Variants in MELK observed in about 807,000 individuals in gnomAD.
MELK encodes the protein maternal embryonic leucine zipper kinase.
Under a neutral mutation model 85.0 loss-of-function variants are expected in MELK, and 81 were observed. That is an observed-to-expected ratio of 0.95 (90% CI 0.80 to 1.15). The LOEUF (loss-of-function observed/expected upper bound fraction) is 1.15, where lower values mean the gene tolerates loss of function less well. Ranked by LOEUF, MELK falls within the 50% of genes most tolerant of loss-of-function variation. The pLI, the probability that MELK is intolerant of heterozygous loss-of-function variation, is 0.00. For missense variants in MELK, 754 were observed against 777.5 expected (o/e 0.97, Z 0.36); for synonymous variants, 252 against 265.0 (o/e 0.95, Z 0.48).
intron 8 of MELK, among the ~76,000 whole-genome samples, chr9:36,610,663 G>A (rs1422823808): frequency 1.3e-5 from 2 of 152,194 alleles, no homozygotes; most frequent in African/African-American, 4.8e-5. Flanking sequence ...GCTTCTGCAT[G>A]CTGACTGTGG....
At chr9:36,580,508 C>T (rs938097072) in intron 1 of MELK, among the ~76,000 whole-genome samples, 9 of 151,312 alleles carry the variant, frequency 5.9e-5, no homozygotes, top group Admixed American at 2.6e-4. Context: ...TTAGTAGAGA[C>T]GGGTTTCGTC....
intron 3 of MELK, among the ~76,000 whole-genome samples, chr9:36,586,426 A>G (rs1265078841): frequency 6.6e-6 from 1 of 152,190 alleles, no homozygotes; most frequent in Non-Finnish European, 1.5e-5. Flanking sequence ...CTTCCTAAAT[A>G]TATGCTAAAA....
chr9:36,651,721 C>A (rs1265702303), intron 11 of MELK, 25 bp from the exon 12 acceptor site: 2 of 1,604,254 alleles, frequency 1.2e-6, no homozygotes, highest in Non-Finnish European at 1.7e-6. Flanking sequence ...AATCTTCTAA[C>A]CAACTTGATT....
rs1401142790 is a variant in MELK, at chr9:36,630,334, C to A, written c.702C>A (p.Pro234=). The change falls in exon 9 of 18, where the codon CCC becomes CCA. Residue 234 remains proline, a synonymous_variant. Transcript: ENST00000298048. ...GKYDVPKWLS[P]SSILLLQQML... ...ATGATGTTCCCAAGTGGCTCTCTCC[C>A]AGTAGCATTCTGCTTCTTCAACAAA... The A allele has an allele frequency of 6.2e-7, 1 of 1,611,242 alleles. No individual in the cohort carries two copies. Among genetic ancestry groups the A allele is most frequent in the African/African-American group, 1.3e-5 (1 of 74,848 alleles).
chr9:36,617,601 T>C (rs1826973190), intron 8 of MELK, among the ~76,000 whole-genome samples: 1 of 152,250 alleles, frequency 6.6e-6, no homozygotes, highest in African/African-American at 2.4e-5. Context: ...ATTATAGGCA[T>C]GAGCCACTGT....
chr9:36,613,324 G>A (rs559979560), intron 8 of MELK, among the ~76,000 whole-genome samples: 10 of 152,206 alleles, frequency 6.6e-5, no homozygotes, highest in Middle Eastern at 3.4e-3. Context: ...TCATTTATTC[G>A]ATGTCATTTC....
intron 11 of MELK, among the ~76,000 whole-genome samples, chr9:36,644,231 GT>G (rs1830028708): frequency 6.6e-6 from 1 of 151,614 alleles, no homozygotes; most frequent in Non-Finnish European, 1.5e-5. Flanking sequence ...GTGTGTGTGT[GT>G]GTGTGTGTGT....
At chr9:36,575,898 G>A (rs776319218) in intron 1 of MELK, among the ~76,000 whole-genome samples, 10 of 152,068 alleles carry the variant, frequency 6.6e-5, no homozygotes, top group Non-Finnish European at 1.0e-4. Context: ...CCATTCTCCT[G>A]CTCTCTTTTT....
intron 7 of MELK, among the ~76,000 whole-genome samples, chr9:36,602,058 C>G (rs1041832645): frequency 2.6e-5 from 4 of 152,150 alleles, no homozygotes; most frequent in African/African-American, 9.7e-5. Context: ...CTTTCAGATC[C>G]TGCTTTCAAT....
chr9:36,593,336 G>A (rs369306047), intron 4 of MELK, among the ~76,000 whole-genome samples: 1 of 152,044 alleles, frequency 6.6e-6, no homozygotes, highest in African/African-American at 2.4e-5. Flanking sequence ...CCTTTAAGGA[G>A]GTGATTAGGT....
intron 8 of MELK, among the ~76,000 whole-genome samples, chr9:36,620,548 C>CTTTT (rs747925440): frequency 1.6e-5 from 2 of 128,514 alleles, no homozygotes; most frequent in Non-Finnish European, 3.2e-5. Flanking sequence ...CATTCTCTTC[C>CTTTT]TTTTTTTTTT....
At chr9:36,616,028 G>C (rs1464115672) in intron 8 of MELK, among the ~76,000 whole-genome samples, 1 of 152,108 alleles carries the variant, frequency 6.6e-6, no homozygotes, top group Non-Finnish European at 1.5e-5. Flanking sequence ...CTCGGGCCCC[G>C]CGGGGCCCGT....
Position 36,581,624 on chromosome 9 carries a change from A to T in MELK, c.-38-20A>T. 1 of 1,191,580 alleles carries T rather than the reference A, an allele frequency of 8.4e-7. No homozygotes were observed. The highest frequency in any genetic ancestry group is 1.2e-6 in the Non-Finnish European group (1 of 804,200). 73.8% of individuals were successfully genotyped at this position (1,191,580 alleles called of 1,614,324 possible). A position where few individuals can be genotyped will look rare whatever the true frequency, so the allele number is the denominator to read the frequency against. On this transcript the variant is annotated intron_variant, in intron 1 of 17. Coordinates refer to ENST00000298048, the MANE Select transcript of MELK (RefSeq NM_014791.4). ...TCCGGTATTATTTCCTTTATTGATT[A>T]TGTACTCTCTGTCTTCTAGGTTCTT...
intron 8 of MELK, among the ~76,000 whole-genome samples, chr9:36,612,549 C>G (rs1826159797): frequency 6.6e-6 from 1 of 152,014 alleles, no homozygotes; most frequent in Non-Finnish European, 1.5e-5. Flanking sequence ...CCAAGCTCAG[C>G]TAATTTTGTA....
chr9:36,576,989 A>G (rs1821725176), intron 1 of MELK, among the ~76,000 whole-genome samples: 1 of 152,168 alleles, frequency 6.6e-6, no homozygotes, highest in South Asian at 2.1e-4. Context: ...CTCAATTTTA[A>G]GAAGACTACT....
At chr9:36,660,743 G>T (rs1341096747) in intron 13 of MELK, among the ~76,000 whole-genome samples, 1 of 151,208 alleles carries the variant, frequency 6.6e-6, no homozygotes, top group Non-Finnish European at 1.5e-5. Flanking sequence ...TGTAATCCCA[G>T]CACTTTGGGG....
intron 4 of MELK, among the ~76,000 whole-genome samples, chr9:36,591,962 A>G (rs1334001718): frequency 6.6e-6 from 1 of 152,014 alleles, no homozygotes; most frequent in African/African-American, 2.4e-5. Flanking sequence ...ATTAAAAAAC[A>G]AAATCCTCTC....
intron 8 of MELK, among the ~76,000 whole-genome samples, chr9:36,616,345 A>G (rs1369863363): frequency 6.7e-6 from 1 of 149,748 alleles, no homozygotes; most frequent in Non-Finnish European, 1.5e-5. Context: ...CCGAGTAGCT[A>G]GAAAGTTGGA....
intron 7 of MELK, among the ~76,000 whole-genome samples, chr9:36,605,978 AAGGCTCAAATGAGAGT>A (rs536220647): frequency 2.0e-3 from 302 of 151,726 alleles, no homozygotes; most frequent in African/African-American, 6.8e-3. Flanking sequence ...AAAATTTCCT[AAGGCTCAAATGAGAGT>A]AAGAGCTGTG....
Sources: allele counts gnomAD v4.1 joint callset (sites outside exome capture counted in the v4.1 genomes callset), GRCh38; gene constraint gnomAD v4.1.1; transcripts MANE v1.5; gene names NCBI Gene and HGNC (gene_info 2026-07-23, HGNC 2026-07-21).